The following RALGDS variants were observed in gnomAD, a reference collection of about 807,000 sequenced individuals.
RALGDS encodes ral guanine nucleotide exchange factor.
Under a neutral mutation model 99.8 loss-of-function variants are expected in RALGDS, and 44 were observed. The ratio of observed to expected loss-of-function variants is 0.44; its 90% confidence interval spans 0.35 to 0.57. The LOEUF is 0.57. Ranked by LOEUF, RALGDS falls within the 20% of genes least tolerant of loss-of-function variation. RALGDS has a pLI of 0.01. For missense variants in RALGDS, 1,022 were observed against 1,203.1 expected (o/e 0.85, Z 2.23); for synonymous variants, 529 against 505.0 (o/e 1.05, Z -0.64).
chr9:133,105,161 A>G (rs990058999), intron 9 of RALGDS, among the ~76,000 whole-genome samples: 1 of 152,082 alleles, frequency 6.6e-6, no homozygotes, highest in African/African-American at 2.4e-5. Flanking sequence ...GTGTCCCAGG[A>G]GCCCCCTGCG....
intron 15 of RALGDS, 27 bp from the exon 16 acceptor site, chr9:133,101,789 T>C: frequency 6.3e-7 from 1 of 1,579,894 alleles, no homozygotes; most frequent in South Asian, 1.1e-5. Context: ...GATCAGCAGA[T>C]CCCACTGCCC....
upstream of RALGDS, among the ~76,000 whole-genome samples, chr9:133,133,300 ACAGT>A (rs1832374836): frequency 6.6e-6 from 1 of 152,170 alleles, no homozygotes. Flanking sequence ...GACTGCTGAC[ACAGT>A]CAGGCTGCAG....
upstream of RALGDS, among the ~76,000 whole-genome samples, chr9:133,131,479 G>A (rs1040687280): frequency 1.3e-5 from 2 of 151,932 alleles, no homozygotes; most frequent in African/African-American, 4.8e-5. Context: ...ACTAACTCCA[G>A]CTGCCAGTGT....
At chr9:133,116,340 G>A (rs1178756529) in intron 1 of RALGDS, among the ~76,000 whole-genome samples, 2 of 152,268 alleles carry the variant, frequency 1.3e-5, no homozygotes, top group African/African-American at 4.8e-5. Context: ...TGCCCACCAG[G>A]ATGCTCCCTG....
chr9:133,131,208 G>A, upstream of RALGDS: 1 of 1,141,622 alleles, frequency 8.8e-7, no homozygotes, highest in East Asian at 8.0e-5. Context: ...ACCCAGCTGA[G>A]CAGACAGTTC....
At position 133,103,774 on chromosome 9, in the gene RALGDS, C is replaced by T. The variant is rs1394474457; in HGVS notation, c.1731G>A (p.Leu577=). The change falls in exon 11 of 18, where the codon CTG becomes CTA. Residue 577 remains leucine (L), a synonymous_variant. Transcript: ENST00000372050. ...ACAGATAGTCCTTCATGGCAGTGTC[C>T]AGCATCACCAGGTCGGTGAGGAACG... ...LGTFLTDLVM[L]DTAMKDYLYG... is the part of the protein sequence containing the mutation. The T allele has an allele frequency of 6.2e-7, 1 of 1,613,288 alleles. No individual in the cohort carries two copies. Among genetic ancestry groups the T allele is most frequent in the African/African-American group, 1.3e-5 (1 of 74,872 alleles).
chr9:133,101,278 C>G (rs1830743327), intron 16 of RALGDS: 3 of 1,357,488 alleles, frequency 2.2e-6, no homozygotes, highest in South Asian at 2.7e-5. Flanking sequence ...CTGACCTCAC[C>G]TCCCCTACAG....
At chr9:133,134,241 T>C (rs948008233), upstream of RALGDS, among the ~76,000 whole-genome samples, 1 of 152,222 alleles carries the variant, frequency 6.6e-6, no homozygotes, top group African/African-American at 2.4e-5. Flanking sequence ...CCTCTTTGGC[T>C]CTGACTAGGA....
In RALGDS at chr9:133,121,129, G is replaced by C; in HGVS notation, c.26C>G (p.Ala9Gly). ...CTCGGCGCCGCCAGCAGGCCCGGCC[G>C]CCTCGGCCCACATGCGCTGCACCAT... The part of the protein sequence containing the change: MVQRMWAE[A>G]AGPAGGAEPL... Residue 9 changes from alanine to glycine, a missense_variant, in exon 1 of 18, where the codon GCG becomes GGG. Around this residue, in one of 3 missense-constraint regions of RALGDS, gnomAD observed 180 missense variants for 169.3 expected, o/e 1.06. Coordinates refer to ENST00000372050, the MANE Select transcript of RALGDS (RefSeq NM_006266.4). 6.9e-7 allele frequency: 1 copy of C among 1,452,298 alleles called. No individual in the cohort carries two copies. The highest frequency in any genetic ancestry group is 1.3e-5 in the South Asian group (1 of 76,274). 90.0% of individuals were successfully genotyped at this position (1,452,298 alleles called of 1,614,324 possible). A position where few individuals can be genotyped will look rare whatever the true frequency, so the allele number is the denominator to read the frequency against.
intron 1 of RALGDS, among the ~76,000 whole-genome samples, chr9:133,114,089 G>C (rs1831479346): frequency 6.6e-6 from 1 of 152,190 alleles, no homozygotes; most frequent in African/African-American, 2.4e-5. Flanking sequence ...GCCAGCAGCT[G>C]GCCCAGCCCT....
chr9:133,123,831 GACACACAC>G (rs56357571), upstream of RALGDS, among the ~76,000 whole-genome samples: 16 of 20,524 alleles, frequency 7.8e-4, no homozygotes, highest in African/African-American at 2.1e-3. Flanking sequence ...CAGAGACACA[GACACACAC>G]ACACACACAC....
chr9:133,104,769 G>A (rs774307435), intron 9 of RALGDS, among the ~76,000 whole-genome samples: 1 of 152,136 alleles, frequency 6.6e-6, no homozygotes, highest in African/African-American at 2.4e-5. Flanking sequence ...CCGAGATCAC[G>A]CCATTGCACT....
At chr9:133,118,370 A>T (rs1831725593) in intron 1 of RALGDS, among the ~76,000 whole-genome samples, 3 of 152,236 alleles carry the variant, frequency 2.0e-5, no homozygotes, top group Admixed American at 2.0e-4. Context: ...GCTCCCTGTG[A>T]ATACAGAGAA....
chr9:133,125,278 A>C (rs912243196), upstream of RALGDS, among the ~76,000 whole-genome samples: 2 of 152,248 alleles, frequency 1.3e-5, no homozygotes, highest in Non-Finnish European at 2.9e-5. Context: ...GGATGGCATC[A>C]CATGCCTGGG....
upstream of RALGDS, among the ~76,000 whole-genome samples, chr9:133,125,280 A>G (rs1279588625): frequency 1.3e-5 from 2 of 152,236 alleles, no homozygotes; most frequent in Non-Finnish European, 2.9e-5. Flanking sequence ...ATGGCATCAC[A>G]TGCCTGGGAT....
intron 2 of RALGDS, among the ~76,000 whole-genome samples, chr9:133,111,066 T>C (rs1831313227): frequency 6.6e-6 from 1 of 150,990 alleles, no homozygotes; most frequent in African/African-American, 2.5e-5. Context: ...AGACCCTGTC[T>C]CTAAAAGAGT....
chr9:133,142,408 G>A lies in RALGDS; in HGVS notation c.18+6555C>T, dbSNP rs1028930196. Reference sequence around the variant, plus strand: ...GAAGTGAGCCATCGGAAAGCCCATCGGAAAGCCCCAGCCCGGAGCCTTCCT... The same window carrying A: ...GAAGTGAGCCATCGGAAAGCCCATCAGAAAGCCCCAGCCCGGAGCCTTCCT... On this transcript the variant is annotated intron_variant, in intron 1 of 17. Coordinates refer to the RALGDS transcript ENST00000393160. Among the ~76,000 whole-genome samples, 9 of 152,166 alleles carry A rather than the reference G, an allele frequency of 5.9e-5. No homozygotes were observed. In the East Asian group the frequency reaches 1.3e-3, roughly 23 times the overall value.
chr9:133,143,235 T>C (rs965543973), intron 1 of RALGDS, among the ~76,000 whole-genome samples: 2 of 152,150 alleles, frequency 1.3e-5, no homozygotes, highest in African/African-American at 4.8e-5. Context: ...CCATGCCTTC[T>C]CCACAAGATC....
chr9:133,113,267 C>T (rs1460409247), intron 1 of RALGDS, among the ~76,000 whole-genome samples: 1 of 152,226 alleles, frequency 6.6e-6, no homozygotes, highest in African/African-American at 2.4e-5. Context: ...GAAGGCCTGG[C>T]AGACAGTGCT....
Sources: gnomAD v4.1 joint callset for allele counts (sites outside exome capture counted in the v4.1 genomes callset) on GRCh38, gnomAD v4.1.1 for gene constraint, gnomAD v4.1.1 regional missense constraint, MANE v1.5 for transcripts, NCBI Gene and HGNC (gene_info 2026-07-23, HGNC 2026-07-21) for gene names.